EEFSEC: variants seen among roughly 807,000 people sequenced by gnomAD.
EEFSEC encodes the protein eukaryotic elongation factor, selenocysteine-tRNA specific.
A neutral mutation model predicts 42.1 loss-of-function variants in EEFSEC; 43 were observed. The observed-to-expected ratio is 1.02, with a 90% CI of 0.80 to 1.32. The LOEUF (loss-of-function observed/expected upper bound fraction) is 1.32, where lower values mean the gene tolerates loss of function less well. Among genes scored for constraint, EEFSEC ranks in the 40% most tolerant of loss-of-function variants. The probability of loss-of-function intolerance (pLI) is 0.00; values close to 1 mark genes in which losing one functional copy is unlikely to be tolerated. For missense variants in EEFSEC, 745 were observed against 803.6 expected (o/e 0.93, Z 0.88); for synonymous variants, 354 against 339.1 (o/e 1.04, Z -0.48).
At chr3:128,271,298 C>T (rs1345209657) in intron 4 of EEFSEC, among the ~76,000 whole-genome samples, 2 of 152,222 alleles carry the variant, frequency 1.3e-5, no homozygotes, top group African/African-American at 2.4e-5. Flanking sequence ...GTGCCCGAGG[C>T]TGCAGAGCTG....
chr3:128,196,951 G>A (rs1019482596), intron 1 of EEFSEC, among the ~76,000 whole-genome samples: 1 of 152,326 alleles, frequency 6.6e-6, no homozygotes, highest in African/African-American at 2.4e-5. Context: ...TTGGATGCTC[G>A]CAGTATGTTA....
chr3:128,203,181 G>A (rs977843790), intron 1 of EEFSEC, among the ~76,000 whole-genome samples: 18 of 152,304 alleles, frequency 1.2e-4, no homozygotes, highest in African/African-American at 4.3e-4. Context: ...GAGACAATTT[G>A]TGAAACAGCA....
chr3:128,358,009 C>T (rs941443846), intron 5 of EEFSEC, among the ~76,000 whole-genome samples: 1 of 152,142 alleles, frequency 6.6e-6, no homozygotes, highest in Non-Finnish European at 1.5e-5. Context: ...GTTATAGTGG[C>T]AGTTGCCAGT....
intron 4 of EEFSEC, among the ~76,000 whole-genome samples, chr3:128,267,747 G>C (rs909387128): frequency 6.6e-5 from 10 of 152,218 alleles, no homozygotes; most frequent in Non-Finnish European, 1.3e-4. Context: ...CTGTTGAAGA[G>C]AGGAGGTGTG....
intron 6 of EEFSEC, among the ~76,000 whole-genome samples, chr3:128,374,521 G>T (rs1015824748): frequency 2.0e-5 from 3 of 152,060 alleles, no homozygotes; most frequent in Non-Finnish European, 2.9e-5. Context: ...GTGGGTGAGT[G>T]GGGGAGACCT....
At chr3:128,370,300 AG>A (rs548149009) in intron 6 of EEFSEC, among the ~76,000 whole-genome samples, 138 of 152,274 alleles carry the variant, frequency 9.1e-4, no homozygotes, top group Non-Finnish European at 1.6e-3. Context: ...GGTGGTTGTT[AG>A]GAGGTTCAAT....
chr3:128,225,918 A>G (rs1026172412), intron 1 of EEFSEC, among the ~76,000 whole-genome samples: 5 of 152,214 alleles, frequency 3.3e-5, no homozygotes, highest in Admixed American at 1.3e-4. Flanking sequence ...AGTGCTGGGC[A>G]CAGAGGCAGA....
At chr3:128,380,774 G>A (rs1459524447) in intron 6 of EEFSEC, among the ~76,000 whole-genome samples, 1 of 152,214 alleles carries the variant, frequency 6.6e-6, no homozygotes, top group Non-Finnish European at 1.5e-5. Flanking sequence ...GGTGGGTTGT[G>A]TCCACGTCTC....
intron 3 of EEFSEC, 85 bp downstream of exon 3, chr3:128,262,309 G>C: frequency 7.9e-7 from 1 of 1,258,178 alleles, no homozygotes; most frequent in Non-Finnish European, 1.1e-6. Flanking sequence ...CCCTGAGAGA[G>C]AAAGAGAGGC....
At chr3:128,217,485 A>G (rs1232641254) in intron 1 of EEFSEC, among the ~76,000 whole-genome samples, 3 of 152,040 alleles carry the variant, frequency 2.0e-5, no homozygotes, top group Non-Finnish European at 2.9e-5. Flanking sequence ...GCCTCCCTCA[A>G]TCTCCCAGCA....
intron 1 of EEFSEC, among the ~76,000 whole-genome samples, chr3:128,231,161 T>G (rs2065955670): frequency 1.3e-5 from 2 of 152,120 alleles, no homozygotes; most frequent in African/African-American, 4.8e-5. Context: ...TGTCTAACTT[T>G]CCAAGCCTCA....
intron 4 of EEFSEC, among the ~76,000 whole-genome samples, chr3:128,285,906 GAA>G (rs1387360496): frequency 6.6e-6 from 1 of 152,194 alleles, no homozygotes; most frequent in Non-Finnish European, 1.5e-5. Context: ...AAATTTATGT[GAA>G]AAGAGAACTT....
chr3:128,405,946 T>G (rs2068104352), intron 6 of EEFSEC, among the ~76,000 whole-genome samples: 1 of 152,204 alleles, frequency 6.6e-6, no homozygotes, highest in South Asian at 2.1e-4. Flanking sequence ...CTGCCCTCAG[T>G]GCCTTCATAC....
At chr3:128,349,438 C>T (rs1031974977) in intron 5 of EEFSEC, among the ~76,000 whole-genome samples, 3 of 152,208 alleles carry the variant, frequency 2.0e-5, no homozygotes, top group African/African-American at 7.2e-5. Flanking sequence ...AGCCACTCAC[C>T]CTATGGAGCC....
At chr3:128,267,110 G>T (rs770271854) in intron 4 of EEFSEC, among the ~76,000 whole-genome samples, 1 of 152,036 alleles carries the variant, frequency 6.6e-6, no homozygotes, top group Non-Finnish European at 1.5e-5. Flanking sequence ...TGAATTGGGG[G>T]TACCTGAGGT....
At chr3:128,264,584 C>T (rs955284091) in intron 3 of EEFSEC, 33 bp from the exon 4 acceptor site, 42 of 1,608,558 alleles carry the variant, frequency 2.6e-5, no homozygotes, top group Non-Finnish European at 3.6e-5. Context: ...GCTCCTCTCC[C>T]CACGGACTGT....
intron 2 of EEFSEC, among the ~76,000 whole-genome samples, chr3:128,255,999 T>C (rs2066238302): frequency 1.3e-5 from 2 of 152,018 alleles, no homozygotes; most frequent in South Asian, 4.2e-4. Context: ...TGTGAGGGGA[T>C]GGCCTAGGGT....
chr3:128,392,397 A>G (rs2067925314), intron 6 of EEFSEC, among the ~76,000 whole-genome samples: 2 of 152,204 alleles, frequency 1.3e-5, no homozygotes. Context: ...CCCACCAGGC[A>G]TGCAGTCTTG....
chr3:128,244,471 C>CTT (rs34606977), intron 1 of EEFSEC, among the ~76,000 whole-genome samples: 1 of 134,514 alleles, frequency 7.4e-6, no homozygotes, highest in Non-Finnish European at 1.6e-5. Flanking sequence ...ATTGGGGAGT[C>CTT]TTTTTTTTTT....
Sources: allele counts gnomAD v4.1 joint callset (sites outside exome capture counted in the v4.1 genomes callset), GRCh38; gene constraint gnomAD v4.1.1; transcripts MANE v1.5; gene names NCBI Gene and HGNC (gene_info 2026-07-23, HGNC 2026-07-21).